ZNF474: variants seen among roughly 807,000 people sequenced by gnomAD.
ZNF474 encodes 4933409D10Rik.
For missense variants in ZNF474, 511 were observed against 433.8 expected (o/e 1.18, Z -1.58); for synonymous variants, 192 against 162.2 (o/e 1.18, Z -1.39).
intron 1 of ZNF474, among the ~76,000 whole-genome samples, chr5:122,131,834 T>G (rs1043589170): frequency 6.6e-6 from 1 of 152,010 alleles, no homozygotes; most frequent in Non-Finnish European, 1.5e-5. Context: ...CCATTTAACA[T>G]TTTTTCTTTT....
Position 122,152,173 on chromosome 5 carries a change from G to C in ZNF474, c.183G>C (p.Lys61Asn). The C allele has an allele frequency of 1.2e-6, 2 of 1,614,122 alleles. No homozygotes were observed. Among genetic ancestry groups the C allele is most frequent in the Non-Finnish European group, 1.7e-6 (2 of 1,180,034 alleles). Residue 61 changes from lysine to asparagine, a missense_variant, in exon 2 of 2, where the codon AAG (lysine) becomes AAC (asparagine). Lys to Asn is a moderately conservative substitution (Grantham distance 94). Coordinates refer to ENST00000296600, the MANE Select transcript of ZNF474 (RefSeq NM_207317.3). ...GENIKTDTQKKRPGTVILSKL... is the reference protein window; with the variant it reads ...GENIKTDTQKNRPGTVILSKL... ...ATATAAAGACAGACACTCAGAAAAA[G>C]AGACCTGGGACTGTGATACTATCAA...
At chr5:122,140,705 T>A (rs114026771) in intron 1 of ZNF474, among the ~76,000 whole-genome samples, 2,166 of 152,334 alleles carry the variant, frequency 0.014, 60 homozygotes, top group African/African-American at 0.049. Context: ...ATGTTAATGC[T>A]ATCATTAGTC....
intron 1 of ZNF474, among the ~76,000 whole-genome samples, chr5:122,140,497 TATA>T (rs1258036259): frequency 2.6e-5 from 4 of 152,168 alleles, no homozygotes; most frequent in Non-Finnish European, 5.9e-5. Context: ...AAAATACAAT[TATA>T]ATGTCATCAA....
At chr5:122,145,033 G>A (rs774201847) in intron 1 of ZNF474, among the ~76,000 whole-genome samples, 3 of 152,214 alleles carry the variant, frequency 2.0e-5, no homozygotes, top group Non-Finnish European at 4.4e-5. Context: ...CTAGTTAGAA[G>A]CGCAAAGAGT....
Position 122,147,793 on chromosome 5 carries a change from A to T in ZNF474, c.-212-3986A>T, listed in dbSNP as rs541676970. 2.0e-5 allele frequency: 3 copies of T among 152,258 alleles called. No individual in the cohort carries two copies. In the South Asian group the frequency reaches 6.2e-4, roughly 32 times the overall value. The allele number at this position is 152,258 out of a possible 1,614,324, so 9.4% of individuals were successfully genotyped here. ...CCTCTCTTTTAGAGAGACACCTTCT[A>T]ATGCCAAGATGGTTTTTGGATTTCC... On this transcript the variant is annotated intron_variant, in intron 1 of 1. Coordinates refer to ENST00000296600, the MANE Select transcript of ZNF474 (RefSeq NM_207317.3).
At chr5:122,139,397 A>T (rs1405191300) in intron 1 of ZNF474, among the ~76,000 whole-genome samples, 2 of 152,216 alleles carry the variant, frequency 1.3e-5, no homozygotes, top group Non-Finnish European at 2.9e-5. Context: ...AAATGTAATG[A>T]TCTTTCATGT....
At chr5:122,131,396 A>G (rs1181766870) in intron 1 of ZNF474, among the ~76,000 whole-genome samples, 2 of 152,156 alleles carry the variant, frequency 1.3e-5, no homozygotes, top group East Asian at 1.9e-4. Context: ...AATGGTCCAT[A>G]TGTGGTAACA....
intron 1 of ZNF474, among the ~76,000 whole-genome samples, chr5:122,141,038 C>A (rs1755825759): frequency 6.6e-6 from 1 of 151,768 alleles, no homozygotes; most frequent in Admixed American, 6.6e-5. Flanking sequence ...GGTTAGGATT[C>A]CATATAGGAA....
At chr5:122,140,743 G>A (rs1465803538) in intron 1 of ZNF474, among the ~76,000 whole-genome samples, 1 of 152,156 alleles carries the variant, frequency 6.6e-6, no homozygotes, top group Non-Finnish European at 1.5e-5. Context: ...TACCTGTGGA[G>A]AATTTCCAAA....
At chr5:122,136,630 G>C (rs1482070944) in intron 1 of ZNF474, among the ~76,000 whole-genome samples, 1 of 151,930 alleles carries the variant, frequency 6.6e-6, no homozygotes, top group African/African-American at 2.4e-5. Context: ...CATTTATCTT[G>C]GATTCAGTAT....
intron 1 of ZNF474, among the ~76,000 whole-genome samples, chr5:122,130,925 A>G (rs917470647): frequency 3.3e-5 from 5 of 152,106 alleles, no homozygotes; most frequent in African/African-American, 7.2e-5. Context: ...TATAATCACA[A>G]TGCTGTACAT....
At chr5:122,144,054 A>AT (rs1755921654) in intron 1 of ZNF474, among the ~76,000 whole-genome samples, 1 of 152,056 alleles carries the variant, frequency 6.6e-6, no homozygotes, top group African/African-American at 2.4e-5. Flanking sequence ...TTATGTATAT[A>AT]TTATCTTCTA....
intron 1 of ZNF474, among the ~76,000 whole-genome samples, chr5:122,137,130 C>A (rs774059717): frequency 2.0e-5 from 3 of 151,956 alleles, no homozygotes; most frequent in Non-Finnish European, 2.9e-5. Context: ...CATGAATGAA[C>A]ATGAATGGGC....
intron 1 of ZNF474, among the ~76,000 whole-genome samples, chr5:122,136,643 T>C (rs779032695): frequency 4.6e-5 from 7 of 152,206 alleles, no homozygotes; most frequent in Non-Finnish European, 7.3e-5. Flanking sequence ...TTCAGTATAG[T>C]TATGCTTTTA....
At chr5:122,148,888 C>A (rs1756064465) in intron 1 of ZNF474, among the ~76,000 whole-genome samples, 1 of 151,976 alleles carries the variant, frequency 6.6e-6, no homozygotes, top group Non-Finnish European at 1.5e-5. Flanking sequence ...AGCCACCATA[C>A]CCAACTAATT....
Position 122,152,799 on chromosome 5 carries a change from C to G in ZNF474, c.809C>G (p.Pro270Arg), listed in dbSNP as rs373847268. The change falls in exon 2 of 2, where the codon CCG becomes CGG. Residue 270 changes from proline (P) to arginine (R), a missense_variant. Coordinates refer to ENST00000296600, the MANE Select transcript of ZNF474 (RefSeq NM_207317.3). Reference sequence around the variant, plus strand: ...CTCCCACAGAAGCCTCAGCCCCTTCCGAATGCACAGTCCAGCCAAGCGGGA... The same window carrying G: ...CTCCCACAGAAGCCTCAGCCCCTTCGGAATGCACAGTCCAGCCAAGCGGGA... ...QPLPQKPQPL[P>R]NAQSSQAGPN... 1 of 1,614,106 alleles carries G rather than the reference C, an allele frequency of 6.2e-7. No homozygotes were observed. Among genetic ancestry groups the G allele is most frequent in the Admixed American group, 1.7e-5 (1 of 60,016 alleles).
At chr5:122,140,149 A>G (rs1423385812) in intron 1 of ZNF474, among the ~76,000 whole-genome samples, 1 of 152,202 alleles carries the variant, frequency 6.6e-6, no homozygotes, top group Non-Finnish European at 1.5e-5. Flanking sequence ...TCCCTTCCAA[A>G]ATTCATGTTG....
intron 1 of ZNF474, among the ~76,000 whole-genome samples, chr5:122,141,953 C>A (rs1755858255): frequency 6.6e-6 from 1 of 152,196 alleles, no homozygotes; most frequent in African/African-American, 2.4e-5. Flanking sequence ...TGTGATTAGA[C>A]TGGGCCCCTC....
rs191671041 is a variant in ZNF474 at position 122,147,628 on chromosome 5, G to A, written c.-212-4151G>A. ...TTATGAGTGTGAACATGAGGTGTTC[G>A]GCTTTCTGTCCTTGTGACAGTCTGC... is the stretch of plus-strand genomic sequence containing the variant. On this transcript the variant is annotated intron_variant, in intron 1 of 1. Coordinates refer to ENST00000296600, the MANE Select transcript of ZNF474 (RefSeq NM_207317.3). Among the ~76,000 whole-genome samples, 252 of 151,412 alleles carry A rather than the reference G, an allele frequency of 1.7e-3. 6 individuals carry two copies. Among genetic ancestry groups the A allele is most frequent in the Admixed American group, 0.016 (246 of 15,170 alleles).
Sources: allele counts gnomAD v4.1 joint callset (sites outside exome capture counted in the v4.1 genomes callset), GRCh38; gene constraint gnomAD v4.1.1; transcripts MANE v1.5; gene names NCBI Gene and HGNC (gene_info 2026-07-23, HGNC 2026-07-21).